CSNK1G2: variants seen among roughly 807,000 people sequenced by gnomAD.
CSNK1G2 encodes casein kinase I isoform gamma-2.
In CSNK1G2, 11 loss-of-function variants were observed where a neutral mutation model predicts 48.0. That is an observed-to-expected ratio of 0.23 (90% confidence interval 0.14 to 0.38). CSNK1G2 has a LOEUF of 0.38. Among genes scored for constraint, CSNK1G2 ranks in the 10% least tolerant of loss-of-function variants. CSNK1G2 has a pLI of 1.00. For missense variants in CSNK1G2, 446 were observed against 595.5 expected, an observed-to-expected ratio of 0.75 and a Z score of 2.61; for synonymous variants, 337 against 254.1, an observed-to-expected ratio of 1.33 and a Z score of -3.10.
intron 1 of CSNK1G2, among the ~76,000 whole-genome samples, chr19:1,947,076 G>T (rs1356834307): frequency 6.6e-6 from 1 of 152,224 alleles, no homozygotes; most frequent in African/African-American, 2.4e-5. Flanking sequence ...AAAAGGCAGA[G>T]AAAATCTTAG....
intron 1 of CSNK1G2, among the ~76,000 whole-genome samples, chr19:1,945,862 A>C (rs563298540): frequency 1.3e-5 from 2 of 150,446 alleles, no homozygotes; most frequent in Admixed American, 6.6e-5. Context: ...CTTGATGCGC[A>C]TCTGCTGAAC....
chr19:1,979,929 G>A lies in CSNK1G2; in HGVS notation c.1105G>A (p.Gly369Arg), dbSNP rs956873896. Residue 369 changes from glycine to arginine, a missense_variant, in exon 11 of 12, where the codon GGG (glycine) becomes AGG (arginine). Around this residue, in one of 2 missense-constraint regions of CSNK1G2, gnomAD observed 188 missense variants for 179.6 expected, o/e 1.05. Coordinates refer to ENST00000255641, the MANE Select transcript of CSNK1G2 (RefSeq NM_001319.7). ...SKNQALNSTN[G>R]ELNADDPTAG... ...CCACCAGGCGTTGAACTCCACCAACGGGGAGCTGAATGCGGACGACCCCAC... is the reference window on the plus strand; with the variant it reads ...CCACCAGGCGTTGAACTCCACCAACAGGGAGCTGAATGCGGACGACCCCAC... The A allele has an allele frequency of 1.2e-6, 2 of 1,605,894 alleles. No homozygotes were observed. The highest frequency in any genetic ancestry group is 1.7e-6 in the Non-Finnish European group (2 of 1,176,134).
chr19:1,975,306 C>T (rs1395136862), intron 2 of CSNK1G2: 3 of 985,350 alleles, frequency 3.0e-6, no homozygotes, highest in Non-Finnish European at 3.6e-6. Flanking sequence ...AGCACACAGG[C>T]GAGGGCTTGT....
Position 1,979,482 on chromosome 19 carries a change from GCT to G in CSNK1G2, c.854-6_854-5del, listed in dbSNP as rs1457870941. 3 of 1,536,652 alleles carry G rather than the reference GCT, an allele frequency of 2.0e-6. No individual in the cohort carries two copies. Among genetic ancestry groups the G allele is most frequent in the South Asian group, 2.3e-5 (2 of 87,216 alleles). ...CCACCCCCGCCGAGGCCCCGCTGGC[GCT>G]CTCTCTGCAGAGGAGATGGCCACGT... On this transcript the variant is annotated splice_polypyrimidine_tract_variant and intron_variant, in intron 8 of 11. Coordinates refer to ENST00000255641, the MANE Select transcript of CSNK1G2 (RefSeq NM_001319.7).
At chr19:1,952,909 A>C in intron 1 of CSNK1G2, 1 of 448,390 alleles carries the variant, frequency 2.2e-6, no homozygotes, top group Non-Finnish European at 4.4e-6. Flanking sequence ...AACCGAGGTG[A>C]CTGCCTTCGA....
At chr19:1,951,970 G>A (rs565328394) in intron 1 of CSNK1G2, among the ~76,000 whole-genome samples, 71 of 152,182 alleles carry the variant, frequency 4.7e-4, no homozygotes, top group Non-Finnish European at 8.1e-4. Context: ...GAGAGCCACC[G>A]GGCCCGGCCA....
intron 1 of CSNK1G2, among the ~76,000 whole-genome samples, chr19:1,964,182 A>C (rs763560551): frequency 8.6e-5 from 13 of 151,284 alleles, no homozygotes; most frequent in Non-Finnish European, 1.6e-4. Flanking sequence ...AGTTCCAGCT[A>C]CTCTGGAGGC....
intron 2 of CSNK1G2, among the ~76,000 whole-genome samples, chr19:1,970,581 G>A (rs776591479): frequency 6.6e-6 from 1 of 152,224 alleles, no homozygotes; most frequent in Non-Finnish European, 1.5e-5. Context: ...CTGGGGTGGG[G>A]GTGCCTGAAG....
At position 1,978,093 on chromosome 19, in the gene CSNK1G2, C is replaced by T. The variant is rs1357058280; in HGVS notation, c.188-212C>T. On this transcript the variant is annotated intron_variant, in intron 2 of 11. Coordinates refer to ENST00000255641, the MANE Select transcript of CSNK1G2 (RefSeq NM_001319.7). The surrounding 1 kb of genome is among the most constrained non-coding windows in gnomAD (Gnocchi z 7.3). Reference sequence around the variant, plus strand: ...GAGTGGCAGACACTGAGGCGGTGACCACACGGGCAGGGTGCAGGTGTCGGG... The same window carrying T: ...GAGTGGCAGACACTGAGGCGGTGACTACACGGGCAGGGTGCAGGTGTCGGG... Among the ~76,000 whole-genome samples the T allele has an allele frequency of 7.9e-5, 12 of 152,032 alleles. No homozygotes were observed. Among genetic ancestry groups the T allele is most frequent in the Non-Finnish European group, 1.6e-4 (11 of 67,986 alleles).
rs1286977870 is a variant in CSNK1G2, at chr19:1,941,207, C to CGGGCGCGGCG, written c.-475_-466dup. ...GGCGTAAGGCGCGCGGGCCCCGGAG[C>CGGGCGCGGCG]GGGCGCGGCGGAGCGCGGCGAGCCC... On this transcript the variant is annotated 5_prime_UTR_variant, in exon 1 of 12. Transcript: ENST00000255641. 8.2e-5 allele frequency: 12 copies of CGGGCGCGGCG among 146,258 alleles called. No homozygotes were observed. Among genetic ancestry groups the CGGGCGCGGCG allele is most frequent in the Non-Finnish European group, 1.2e-4 (8 of 65,798 alleles). The allele number at this position is 146,258 out of a possible 1,614,324, so 9.1% of individuals were successfully genotyped here.
chr19:1,979,235 G>A lies in CSNK1G2; in HGVS notation c.755G>A (p.Trp252Ter). The change falls in exon 7 of 12, where the codon TGG (tryptophan) becomes TAG (stop). Residue 252 changes from tryptophan (W) to a stop codon, truncating the protein, a stop_gained. Transcript: ENST00000255641. LOFTEE classifies it high-confidence loss of function. ...FMYFLRGSLP[W>*]QGLKADTLKE... is the part of the protein sequence containing the mutation. ...TACTTCCTGCGCGGCAGCCTCCCCT[G>A]GCAGGGGCTCAAGGTGGGCGAGGAG... is the stretch of plus-strand genomic sequence containing the variant. The A allele has an allele frequency of 6.4e-7, 1 of 1,556,122 alleles. No individual in the cohort carries two copies. The highest frequency in any genetic ancestry group is 8.7e-7 in the Non-Finnish European group (1 of 1,150,354).
intron 1 of CSNK1G2, among the ~76,000 whole-genome samples, chr19:1,963,208 C>T (rs1416169857): frequency 2.6e-5 from 4 of 151,998 alleles, no homozygotes; most frequent in African/African-American, 9.7e-5. Flanking sequence ...ATATACAGTA[C>T]TCTCGTGAGT....
At chr19:1,950,216 T>C (rs2014713048) in intron 1 of CSNK1G2, among the ~76,000 whole-genome samples, 1 of 152,184 alleles carries the variant, frequency 6.6e-6, no homozygotes, top group South Asian at 2.1e-4. Context: ...CTCTGCTCAC[T>C]GCAAGCTCTG....
At chr19:1,974,486 TG>T (rs531431018) in intron 2 of CSNK1G2, among the ~76,000 whole-genome samples, 1 of 152,064 alleles carries the variant, frequency 6.6e-6, no homozygotes, top group Non-Finnish European at 1.5e-5. Flanking sequence ...ACATGACCCT[TG>T]GGGGGTGCAT....
intron 1 of CSNK1G2, among the ~76,000 whole-genome samples, chr19:1,965,889 C>G (rs2015350589): frequency 6.6e-6 from 1 of 152,224 alleles, no homozygotes; most frequent in African/African-American, 2.4e-5. Context: ...CTCCACCTCC[C>G]AGGCTCAAGC....
intron 1 of CSNK1G2, among the ~76,000 whole-genome samples, chr19:1,960,867 C>T (rs941499394): frequency 3.3e-5 from 5 of 152,168 alleles, no homozygotes; most frequent in East Asian, 1.9e-4. Context: ...CCAGCCTGGG[C>T]GACAGAGCGA....
intron 1 of CSNK1G2, among the ~76,000 whole-genome samples, chr19:1,965,941 T>A (rs1409509480): frequency 6.6e-6 from 1 of 152,054 alleles, no homozygotes; most frequent in East Asian, 1.9e-4. Flanking sequence ...GGACCACAGG[T>A]GCGCACCGCC....
chr19:1,952,714 C>G, intron 1 of CSNK1G2: 1 of 266,426 alleles, frequency 3.8e-6, no homozygotes, highest in Non-Finnish European at 7.6e-6. Context: ...GCAGGCGTCG[C>G]CCGGTGCACA....
intron 2 of CSNK1G2, chr19:1,974,602 C>T (rs1434528065): frequency 1.3e-5 from 2 of 152,220 alleles, no homozygotes; most frequent in African/African-American, 2.4e-5. Context: ...TGGGCGTGGC[C>T]GTGGTGTGTG....
Sources: gnomAD v4.1 joint callset for allele counts (sites outside exome capture counted in the v4.1 genomes callset) on GRCh38, gnomAD v4.1.1 for gene constraint, gnomAD v4.1.1 regional missense constraint, Gnocchi (gnomAD v3.1) non-coding constraint, MANE v1.5 for transcripts, NCBI Gene and HGNC (gene_info 2026-07-23, HGNC 2026-07-21) for gene names.